Variants in SPHKAP observed in about 807,000 individuals in gnomAD.
The protein encoded by SPHKAP is SPHK1 interactor, AKAP domain containing.
Under a neutral mutation model 137.5 loss-of-function variants are expected in SPHKAP, and 67 were observed. The observed-to-expected ratio is 0.49, with a 90% CI of 0.40 to 0.60. The LOEUF (loss-of-function observed/expected upper bound fraction) is 0.60. SPHKAP is among the 20% of genes least tolerant of loss of function. SPHKAP has a pLI of 0.00. For synonymous variants in SPHKAP, 813 were observed against 785.3 expected, an observed-to-expected ratio of 1.04 and a Z score of -0.59; for missense variants, 2,097 against 2,069.3, an observed-to-expected ratio of 1.01 and a Z score of -0.26.
intron 7 of SPHKAP, among the ~76,000 whole-genome samples, chr2:227,997,723 A>G (rs570414879): frequency 2.0e-5 from 3 of 152,020 alleles, no homozygotes; most frequent in East Asian, 3.9e-4. Context: ...GAAGCAATCT[A>G]TTTTTCTTTC....
chr2:228,106,638 G>C (rs1467224836), intron 3 of SPHKAP, among the ~76,000 whole-genome samples: 1 of 152,168 alleles, frequency 6.6e-6, no homozygotes, highest in Non-Finnish European at 1.5e-5. Context: ...CTTATTCCTT[G>C]ACGATTTTGG....
chr2:228,036,041 T>C (rs1235351960), intron 3 of SPHKAP, among the ~76,000 whole-genome samples: 17 of 150,592 alleles, frequency 1.1e-4, no homozygotes, highest in Admixed American at 1.1e-3. Context: ...GGGGATCTAA[T>C]TAAACTAAAG....
At chr2:228,110,623 G>C (rs1698488786) in intron 2 of SPHKAP, among the ~76,000 whole-genome samples, 1 of 131,798 alleles carries the variant, frequency 7.6e-6, no homozygotes, top group South Asian at 2.3e-4. Context: ...ATAATACTAA[G>C]ATGTTATTTG....
At chr2:228,103,585 T>G (rs1698243115) in intron 3 of SPHKAP, among the ~76,000 whole-genome samples, 3 of 152,214 alleles carry the variant, frequency 2.0e-5, no homozygotes, top group Admixed American at 2.0e-4. Context: ...CCTCTCACTC[T>G]GCCCTCCGCA....
At chr2:228,012,099 T>TA (rs1694396786) in intron 7 of SPHKAP, among the ~76,000 whole-genome samples, 1 of 143,884 alleles carries the variant, frequency 7.0e-6, no homozygotes, top group Non-Finnish European at 1.5e-5. Context: ...GCCCTGGAGG[T>TA]TGGGGCTGCG....
At chr2:228,069,452 T>TC (rs201728263) in intron 3 of SPHKAP, among the ~76,000 whole-genome samples, 20,791 of 141,846 alleles carry the variant, frequency 0.15, 1,493 homozygotes, top group East Asian at 0.31. Context: ...TTTCTTTCTT[T>TC]TTTTTTTTTT....
intron 7 of SPHKAP, among the ~76,000 whole-genome samples, chr2:228,004,599 C>CTT (rs1694054147): frequency 6.6e-6 from 1 of 152,152 alleles, no homozygotes; most frequent in Non-Finnish European, 1.5e-5. Flanking sequence ...CTTCTGCTAT[C>CTT]TTTTGCATGT....
intron 6 of SPHKAP, among the ~76,000 whole-genome samples, chr2:228,021,021 C>A (rs1471901406): frequency 6.6e-6 from 1 of 152,100 alleles, no homozygotes; most frequent in Admixed American, 6.5e-5. Flanking sequence ...GGACTTGCTG[C>A]AAAGATTTGT....
rs779864868 is a variant in SPHKAP at position 228,016,422 on chromosome 2, C to T, written c.4432G>A (p.Ala1478Thr). 1.4e-5 allele frequency: 22 copies of T among 1,594,604 alleles called. No individual in the cohort carries two copies. The highest frequency in any genetic ancestry group is 1.1e-4 in the East Asian group (5 of 44,812). Reference protein sequence around the residue: ...VVRGGDTAVSACQIHSDSLDT... With the variant: ...VVRGGDTAVSTCQIHSDSLDT... The stretch of plus-strand genomic sequence containing the variant: ...TTCACTCACCTATGGATTTGACAAG[C>T]GCTCACGGCTGTGTCTCCACCTCTC... Residue 1478 changes from alanine (A) to threonine (T), a missense_variant, in exon 7 of 12, where the codon GCT (alanine) becomes ACT (threonine). Physicochemically the swap from Ala to Thr is moderately conservative, Grantham distance 58. Coordinates refer to ENST00000392056, the MANE Select transcript of SPHKAP (RefSeq NM_001142644.2).
intron 9 of SPHKAP, among the ~76,000 whole-genome samples, chr2:227,992,854 C>G (rs959109470): frequency 6.6e-6 from 1 of 152,164 alleles, no homozygotes; most frequent in African/African-American, 2.4e-5. Flanking sequence ...ATCTCCAAAT[C>G]ATAAGCTAAA....
At chr2:228,134,141 A>G (rs1440699054) in intron 1 of SPHKAP, among the ~76,000 whole-genome samples, 1 of 10,252 alleles carries the variant, frequency 9.8e-5, no homozygotes, top group Non-Finnish European at 2.2e-4. Context: ...AAAGAGAAAG[A>G]GAAAGAAAGA....
At chr2:228,081,887 T>C (rs1455406036) in intron 3 of SPHKAP, among the ~76,000 whole-genome samples, 1 of 152,182 alleles carries the variant, frequency 6.6e-6, no homozygotes, top group African/African-American at 2.4e-5. Context: ...AGATGATGAC[T>C]GTAGTTAATA....
intron 1 of SPHKAP, among the ~76,000 whole-genome samples, chr2:228,157,212 A>G (rs1700132322): frequency 1.3e-5 from 2 of 152,230 alleles, no homozygotes; most frequent in Non-Finnish European, 2.9e-5. Flanking sequence ...GTACACAAAT[A>G]ATAAGAATCA....
chr2:228,049,408 C>T (rs1363504619), intron 3 of SPHKAP, among the ~76,000 whole-genome samples: 1 of 152,210 alleles, frequency 6.6e-6, no homozygotes, highest in African/African-American at 2.4e-5. Context: ...ACTTCTCTTT[C>T]TTCCAGTATA....
chr2:228,097,503 A>T (rs572905527), intron 3 of SPHKAP, among the ~76,000 whole-genome samples: 1 of 151,806 alleles, frequency 6.6e-6, no homozygotes, highest in South Asian at 2.1e-4. Context: ...TGCATCATTT[A>T]TTTTTTTTCA....
chr2:228,091,117 G>A (rs1697715169), intron 3 of SPHKAP, among the ~76,000 whole-genome samples: 4 of 152,158 alleles, frequency 2.6e-5, no homozygotes, highest in African/African-American at 7.2e-5. Flanking sequence ...AAGAGACACA[G>A]TGGAGTTTGA....
chr2:228,038,337 T>C (rs1293162638), intron 3 of SPHKAP, among the ~76,000 whole-genome samples: 13 of 152,036 alleles, frequency 8.6e-5, no homozygotes, highest in Admixed American at 8.5e-4. Flanking sequence ...GGAGGAAACT[T>C]TTGGTAGTGG....
In SPHKAP at chr2:228,181,424, T is replaced by C. The variant is rs892562560; in HGVS notation, c.32+143A>G. ...AGCTCCAGCGAGGCTGGGCCGGACT[T>C]ATTTACAAGTGCAGTGACCCCTGTC... On this transcript the variant is annotated intron_variant, in intron 1 of 11. Transcript: ENST00000392056. The surrounding 1 kb of genome is among the most constrained non-coding windows in gnomAD (Gnocchi z 4.3). 2.6e-6 allele frequency: 3 copies of C among 1,167,942 alleles called. No individual in the cohort carries two copies. The highest frequency in any genetic ancestry group is 2.0e-4 in the Middle Eastern group (1 of 5,082). 72.3% of individuals were successfully genotyped at this position (1,167,942 alleles called of 1,614,324 possible).
At chr2:228,094,127 G>A (rs1024358304) in intron 3 of SPHKAP, among the ~76,000 whole-genome samples, 9 of 151,982 alleles carry the variant, frequency 5.9e-5, no homozygotes, top group Non-Finnish European at 8.8e-5. Context: ...AATATCTTAA[G>A]CCTCAAATAA....
Sources: gnomAD v4.1 joint callset for allele counts (sites outside exome capture counted in the v4.1 genomes callset) on GRCh38, gnomAD v4.1.1 for gene constraint, Gnocchi (gnomAD v3.1) non-coding constraint, MANE v1.5 for transcripts, NCBI Gene and HGNC (gene_info 2026-07-23, HGNC 2026-07-21) for gene names.